Variants in KCNJ6 observed in about 807,000 individuals in gnomAD.
The protein encoded by KCNJ6 is potassium inwardly rectifying channel subfamily J member 6, also known as G protein-activated inward rectifier potassium channel 2.
A neutral mutation model predicts 34.2 loss-of-function variants in KCNJ6; 9 were observed. That is an observed-to-expected ratio of 0.26 (90% CI 0.16 to 0.46). KCNJ6 has a LOEUF of 0.46. Ranked by LOEUF, KCNJ6 falls within the 20% of genes least tolerant of loss-of-function variation. The pLI is 1.00. For synonymous variants in KCNJ6, 196 were observed against 207.1 expected, an observed-to-expected ratio of 0.95 and a Z score of 0.46; for missense variants, 236 against 531.3, an observed-to-expected ratio of 0.44 and a Z score of 5.46.
chr21:37,614,137 C>T lies in KCNJ6; in HGVS notation c.*11022G>A, dbSNP rs190883733. ...ATTTCCGACCAGTGAAATGATATAC[C>T]CAGGACGACATTGCTCATCTGGGGG... is the stretch of plus-strand genomic sequence containing the variant. On this transcript the variant is annotated 3_prime_UTR_variant, in exon 4 of 4. Coordinates refer to ENST00000609713, the MANE Select transcript of KCNJ6 (RefSeq NM_002240.5). 2 of 151,956 alleles carry T rather than the reference C, an allele frequency of 1.3e-5. No individual in the cohort carries two copies. The highest frequency in any genetic ancestry group is 2.1e-4 in the South Asian group (1 of 4,826). The allele number at this position is 151,956 out of a possible 1,614,324, so 9.4% of individuals were successfully genotyped here. A position where few individuals can be genotyped will look rare whatever the true frequency, so the allele number is the denominator to read the frequency against.
At chr21:37,627,156 A>C (rs2054314897) in intron 3 of KCNJ6, among the ~76,000 whole-genome samples, 1 of 152,208 alleles carries the variant, frequency 6.6e-6, no homozygotes, top group Non-Finnish European at 1.5e-5. Flanking sequence ...CTAGAAGAAG[A>C]AACTGGGGTG....
At chr21:37,674,143 C>T (rs1425773002) in intron 3 of KCNJ6, among the ~76,000 whole-genome samples, 6 of 152,166 alleles carry the variant, frequency 3.9e-5, no homozygotes, top group Admixed American at 3.9e-4. Flanking sequence ...GCATCTTTTT[C>T]ACCTTCAACC....
intron 1 of KCNJ6, among the ~76,000 whole-genome samples, chr21:37,897,628 C>T (rs748446763): frequency 1.3e-5 from 2 of 152,176 alleles, no homozygotes; most frequent in Non-Finnish European, 2.9e-5. Context: ...GATTGTACTC[C>T]ATTGTCACAC....
intron 1 of KCNJ6, among the ~76,000 whole-genome samples, chr21:37,863,548 T>C (rs972069982): frequency 1.3e-5 from 2 of 152,198 alleles, no homozygotes. Context: ...TTGGATGTAT[T>C]TTGCTTTATG....
chr21:37,736,600 T>C (rs1195938994), intron 2 of KCNJ6, among the ~76,000 whole-genome samples: 1 of 152,164 alleles, frequency 6.6e-6, no homozygotes. Context: ...ACCAGGGGTG[T>C]GCAGGGTAGA....
chr21:37,793,129 T>C (rs2055224617), intron 2 of KCNJ6, among the ~76,000 whole-genome samples: 1 of 152,226 alleles, frequency 6.6e-6, no homozygotes, highest in African/African-American at 2.4e-5. Flanking sequence ...GGAAGGAATT[T>C]AGAGTTAGAA....
chr21:37,757,441 T>C (rs866162382), intron 2 of KCNJ6, among the ~76,000 whole-genome samples: 2 of 60,302 alleles, frequency 3.3e-5, no homozygotes, highest in Non-Finnish European at 6.7e-5. Flanking sequence ...TCTCTCACAG[T>C]GTGATGATTC....
chr21:37,611,749 C>T lies in KCNJ6; in HGVS notation c.*13410G>A, dbSNP rs1302480902. On this transcript the variant is annotated 3_prime_UTR_variant, in exon 4 of 4. Coordinates refer to ENST00000609713, the MANE Select transcript of KCNJ6 (RefSeq NM_002240.5). ...AAGAAGAAAAATTGCATGATCATATCAACAGATGCAGAAAAATCCAAACAG... is the reference window on the plus strand; with the variant it reads ...AAGAAGAAAAATTGCATGATCATATTAACAGATGCAGAAAAATCCAAACAG... 2.0e-5 allele frequency: 3 copies of T among 152,038 alleles called. No homozygotes were observed. The highest frequency in any genetic ancestry group is 7.2e-5 in the African/African-American group (3 of 41,390). The allele number at this position is 152,038 out of a possible 1,614,324, so 9.4% of individuals were successfully genotyped here.
At chr21:37,896,147 G>T (rs556235205) in intron 1 of KCNJ6, among the ~76,000 whole-genome samples, 5 of 152,252 alleles carry the variant, frequency 3.3e-5, no homozygotes, top group African/African-American at 1.2e-4. Flanking sequence ...AGAGACAGAG[G>T]GGGAGGTGCC....
intron 3 of KCNJ6, among the ~76,000 whole-genome samples, chr21:37,677,799 T>TCCATCCACCCAC (rs1556017798): frequency 2.5e-5 from 3 of 121,996 alleles, no homozygotes; most frequent in Non-Finnish European, 4.9e-5. Context: ...CACCCACCTA[T>TCCATCCACCCAC]CCACCCACCC....
chr21:37,634,125 T>G (rs996570654), intron 3 of KCNJ6, among the ~76,000 whole-genome samples: 1 of 152,198 alleles, frequency 6.6e-6, no homozygotes, highest in African/African-American at 2.4e-5. Context: ...CTTTGGATAT[T>G]TGTCCTCTCC....
Position 37,616,796 on chromosome 21 carries a change from A to C in KCNJ6, c.*8363T>G, listed in dbSNP as rs1443246347. ...TGGTGAGATGAGGGAGCAAATTAAG[A>C]GAGAGCAGCTGGGGGGAATGGTTGG... On this transcript the variant is annotated 3_prime_UTR_variant, in exon 4 of 4. Coordinates refer to ENST00000609713, the MANE Select transcript of KCNJ6 (RefSeq NM_002240.5). 1 of 151,260 alleles carries C rather than the reference A, an allele frequency of 6.6e-6. No homozygotes were observed. The highest frequency in any genetic ancestry group is 1.5e-5 in the Non-Finnish European group (1 of 67,880). 9.4% of individuals were successfully genotyped at this position (151,260 alleles called of 1,614,324 possible). A position where few individuals can be genotyped will look rare whatever the true frequency, so the allele number is the denominator to read the frequency against.
intron 1 of KCNJ6, among the ~76,000 whole-genome samples, chr21:37,891,512 T>A (rs2055761985): frequency 6.6e-6 from 1 of 152,200 alleles, no homozygotes; most frequent in South Asian, 2.1e-4. Flanking sequence ...TAAGCACTGC[T>A]TAGAAATGTG....
intron 1 of KCNJ6, among the ~76,000 whole-genome samples, chr21:37,862,580 T>A (rs538226366): frequency 2.0e-4 from 30 of 152,226 alleles, no homozygotes; most frequent in African/African-American, 7.2e-4. Context: ...CTTGCTTCTA[T>A]CTGGGCAGCC....
intron 2 of KCNJ6, among the ~76,000 whole-genome samples, chr21:37,795,105 A>G (rs879602335): frequency 1.3e-5 from 2 of 152,226 alleles, no homozygotes; most frequent in African/African-American, 2.4e-5. Flanking sequence ...ATGTATATTC[A>G]TAATACAGAT....
chr21:37,713,742 AC>A (rs1165852323), intron 3 of KCNJ6, among the ~76,000 whole-genome samples: 8 of 152,158 alleles, frequency 5.3e-5, no homozygotes, highest in Non-Finnish European at 7.3e-5. Context: ...CAAAAGAAAA[AC>A]CAATGCTATA....
intron 2 of KCNJ6, among the ~76,000 whole-genome samples, chr21:37,715,379 G>C (rs534678991): frequency 5.3e-5 from 8 of 152,218 alleles, no homozygotes; most frequent in African/African-American, 1.9e-4. Context: ...GCTTATTGCT[G>C]CAAAATTGTG....
In KCNJ6 at chr21:37,613,110, T is replaced by C. The variant is rs1456181896; in HGVS notation, c.*12049A>G. 2 of 133,970 alleles carry C rather than the reference T, an allele frequency of 1.5e-5. No individual in the cohort carries two copies. Among genetic ancestry groups the C allele is most frequent in the South Asian group, 2.5e-4 (1 of 4,034 alleles). The allele number at this position is 133,970 out of a possible 1,614,324, so 8.3% of individuals were successfully genotyped here. ...AATCAACAATAAGAAAACAACCCGA[T>C]TTAAAAAAATGCCCAAAAGACCTGA... On this transcript the variant is annotated 3_prime_UTR_variant, in exon 4 of 4. Coordinates refer to ENST00000609713, the MANE Select transcript of KCNJ6 (RefSeq NM_002240.5).
intron 2 of KCNJ6, among the ~76,000 whole-genome samples, chr21:37,840,123 T>C (rs899495192): frequency 1.3e-5 from 2 of 152,250 alleles, no homozygotes; most frequent in African/African-American, 4.8e-5. Context: ...AAATGCTTTG[T>C]GTATCCTGTT....
Sources: allele counts gnomAD v4.1 joint callset (sites outside exome capture counted in the v4.1 genomes callset), GRCh38; gene constraint gnomAD v4.1.1; transcripts MANE v1.5; gene names NCBI Gene and HGNC (gene_info 2026-07-23, HGNC 2026-07-21).